The following PTCD2 variants were observed in gnomAD, a reference collection of about 807,000 sequenced individuals.
PTCD2 encodes pentatricopeptide repeat-containing protein 2, mitochondrial.
Under a neutral mutation model 42.6 loss-of-function variants are expected in PTCD2, and 31 were observed. The ratio of observed to expected loss-of-function variants is 0.73; its 90% CI spans 0.55 to 0.98. The LOEUF (loss-of-function observed/expected upper bound fraction) is 0.98. PTCD2 is among the 50% of genes least tolerant of loss of function. PTCD2 has a pLI of 0.00. For synonymous variants in PTCD2, 183 were observed against 170.9 expected, an observed-to-expected ratio of 1.07 and a Z score of -0.55; for missense variants, 476 against 454.8, an observed-to-expected ratio of 1.05 and a Z score of -0.42.
rs570848325 is a variant in PTCD2 at position 72,361,734 on chromosome 5, G to A, written c.*3307G>A. 3 of 152,386 alleles carry A rather than the reference G, an allele frequency of 2.0e-5. No homozygotes were observed. The highest frequency in any genetic ancestry group is 2.0e-4 in the Admixed American group (3 of 15,302). The allele number at this position is 152,386 out of a possible 1,614,324, so 9.4% of individuals were successfully genotyped here. A position where few individuals can be genotyped will look rare whatever the true frequency, so the allele number is the denominator to read the frequency against. On this transcript the variant is annotated 3_prime_UTR_variant, in exon 10 of 10. Coordinates refer to ENST00000380639, the MANE Select transcript of PTCD2 (RefSeq NM_024754.5). The stretch of plus-strand genomic sequence containing the variant: ...CAGGCTCTTCAACATGGTTTAGAAG[G>A]TCCTTCCTAATCTGGCCCACATTTG...
At position 72,338,693 on chromosome 5, in the gene PTCD2, C is replaced by T; in HGVS notation, c.711C>T (p.Ser237=). The T allele has an allele frequency of 1.2e-6, 2 of 1,612,784 alleles. No homozygotes were observed. Among genetic ancestry groups the T allele is most frequent in the South Asian group, 2.2e-5 (2 of 90,986 alleles). Residue 237 remains serine, a synonymous_variant, in exon 7 of 10, where the codon TCC becomes TCT. Coordinates refer to ENST00000380639, the MANE Select transcript of PTCD2 (RefSeq NM_024754.5). The part of the protein sequence containing the change: ...EEALLKGEIL[S]RRASCFAVAL... The stretch of plus-strand genomic sequence containing the variant: ...CTCTACTCAAAGGAGAAATTCTCTC[C>T]AGGAGAGCATCCTGTTTCGCTGTGG...
At chr5:72,328,250 C>T (rs1365215494) in intron 3 of PTCD2, among the ~76,000 whole-genome samples, 3 of 152,348 alleles carry the variant, frequency 2.0e-5, no homozygotes, top group Admixed American at 6.5e-5. Context: ...CACTCATCTG[C>T]AGTCAGCTGG....
chr5:72,352,000 A>G (rs1752646261), intron 8 of PTCD2, among the ~76,000 whole-genome samples: 1 of 152,208 alleles, frequency 6.6e-6, no homozygotes. Flanking sequence ...CCCATTTTAC[A>G]AATGAGGGCA....
chr5:72,326,475 G>A (rs1256496532), intron 2 of PTCD2, 137 bp from the exon 3 acceptor site: 4 of 825,106 alleles, frequency 4.8e-6, no homozygotes, highest in Non-Finnish European at 7.8e-6. Context: ...GCCAGTGATG[G>A]CAGCTGTGTG....
Position 72,365,571 on chromosome 5 carries a change from C to G in PTCD2, c.*7144C>G, listed in dbSNP as rs965137088. Reference sequence around the variant, plus strand: ...TAGTAACAGAATCTGCTGATGTATTCTACCGCATCCCAGGGAGACTCATGT... The same window carrying G: ...TAGTAACAGAATCTGCTGATGTATTGTACCGCATCCCAGGGAGACTCATGT... On this transcript the variant is annotated 3_prime_UTR_variant, in exon 10 of 10. Transcript: ENST00000380639. 8 of 152,212 alleles carry G rather than the reference C, an allele frequency of 5.3e-5. No homozygotes were observed. Among genetic ancestry groups the G allele is most frequent in the Non-Finnish European group, 1.0e-4 (7 of 68,042 alleles). The allele number at this position is 152,212 out of a possible 1,614,324, so 9.4% of individuals were successfully genotyped here. A position where few individuals can be genotyped will look rare whatever the true frequency, so the allele number is the denominator to read the frequency against.
chr5:72,341,437 A>G (rs1212858774), intron 7 of PTCD2, among the ~76,000 whole-genome samples: 1 of 151,836 alleles, frequency 6.6e-6, no homozygotes, highest in Admixed American at 6.6e-5. Context: ...ACTATTCATC[A>G]TTGAAAAGTG....
At chr5:72,343,320 G>A (rs1752170743) in intron 8 of PTCD2, among the ~76,000 whole-genome samples, 1 of 152,146 alleles carries the variant, frequency 6.6e-6, no homozygotes, top group Non-Finnish European at 1.5e-5. Context: ...CATGAGACGT[G>A]GCTAAGAAAG....
intron 7 of PTCD2, among the ~76,000 whole-genome samples, chr5:72,339,102 A>G (rs1035601120): frequency 1.3e-5 from 2 of 152,264 alleles, no homozygotes; most frequent in Admixed American, 6.5e-5. Context: ...AGCCCATTGT[A>G]GAAATGGGAT....
chr5:72,335,758 A>G (rs41271123), intron 5 of PTCD2, 36 bp from the exon 6 acceptor site: 70 of 1,384,622 alleles, frequency 5.1e-5, no homozygotes, highest in Middle Eastern at 1.8e-4. Context: ...CAGTAGAGGA[A>G]CTCTAACACT....
chr5:72,349,333 C>T (rs1046455665), intron 8 of PTCD2, among the ~76,000 whole-genome samples: 1 of 152,128 alleles, frequency 6.6e-6, no homozygotes, highest in Admixed American at 6.5e-5. Context: ...GAACTTAATC[C>T]CATGACCATA....
chr5:72,343,000 C>A lies in PTCD2; in HGVS notation c.792C>A (p.Ile264=), dbSNP rs200096284. The change falls in exon 8 of 10, where the codon ATC becomes ATA. Residue 264 remains isoleucine (I), a synonymous_variant. Coordinates refer to ENST00000380639, the MANE Select transcript of PTCD2 (RefSeq NM_024754.5). ...AAGCTGTGTCCATTTTTTCTCAAAT[C>A]ATGAATCCAGAAAGCATAGCCTGCA... ...MAKAVSIFSQ[I]MNPESIACIN... 23 of 1,602,226 alleles carry A rather than the reference C, an allele frequency of 1.4e-5. No individual in the cohort carries two copies. The East Asian group carries it at 4.7e-4, about 33-fold the overall frequency.
At position 72,364,515 on chromosome 5, in the gene PTCD2, T is replaced by C. The variant is rs1417829786; in HGVS notation, c.*6088T>C. The stretch of plus-strand genomic sequence containing the variant: ...ATCCGGTCTCTCCTGAAGAACAGAG[T>C]ATTCTACATTTGTTTTATATGACCC... On this transcript the variant is annotated 3_prime_UTR_variant, in exon 10 of 10. Coordinates refer to ENST00000380639, the MANE Select transcript of PTCD2 (RefSeq NM_024754.5). The C allele has an allele frequency of 6.6e-6, 1 of 152,202 alleles. No individual in the cohort carries two copies. Among genetic ancestry groups the C allele is most frequent in the Non-Finnish European group, 1.5e-5 (1 of 68,038 alleles). 9.4% of individuals were successfully genotyped at this position (152,202 alleles called of 1,614,324 possible).
chr5:72,342,573 C>T (rs1752127186), intron 7 of PTCD2, among the ~76,000 whole-genome samples: 1 of 152,242 alleles, frequency 6.6e-6, no homozygotes, highest in Non-Finnish European at 1.5e-5. Flanking sequence ...CCCTGCCAGC[C>T]TCCATTTCCA....
At chr5:72,339,087 G>C (rs1379775502) in intron 7 of PTCD2, among the ~76,000 whole-genome samples, 1 of 152,226 alleles carries the variant, frequency 6.6e-6, no homozygotes, top group Non-Finnish European at 1.5e-5. Context: ...GAGGACTGCT[G>C]TGTCAGCCCA....
At position 72,361,226 on chromosome 5, in the gene PTCD2, G is replaced by A. The variant is rs1342147422; in HGVS notation, c.*2799G>A. ...TGTGTGGAAAACACTCCAAAACTCAGTGACTTTAAACAACACCAGTCATTG... is the reference window on the plus strand; with the variant it reads ...TGTGTGGAAAACACTCCAAAACTCAATGACTTTAAACAACACCAGTCATTG... On this transcript the variant is annotated 3_prime_UTR_variant, in exon 10 of 10. Transcript: ENST00000380639. 6.6e-6 allele frequency: 1 copy of A among 152,190 alleles called. No homozygotes were observed. Among genetic ancestry groups the A allele is most frequent in the Admixed American group, 6.5e-5 (1 of 15,290 alleles). The allele number at this position is 152,190 out of a possible 1,614,324, so 9.4% of individuals were successfully genotyped here.
At chr5:72,335,921 G>T in intron 6 of PTCD2, 36 bp downstream of exon 6, 1 of 1,302,616 alleles carries the variant, frequency 7.7e-7, no homozygotes, top group Non-Finnish European at 1.1e-6. Context: ...AGAGCATTGT[G>T]TGTAGTCTTT....
intron 9 of PTCD2, among the ~76,000 whole-genome samples, chr5:72,355,184 G>GT (rs1752814211): frequency 6.6e-6 from 1 of 152,044 alleles, no homozygotes; most frequent in Admixed American, 6.6e-5. Context: ...AGTCCTAAAG[G>GT]TTTTTTTGAT....
chr5:72,345,997 A>G (rs2112202217), intron 8 of PTCD2, among the ~76,000 whole-genome samples: 1 of 152,314 alleles, frequency 6.6e-6, no homozygotes, highest in South Asian at 2.1e-4. Context: ...ACCAGTGCCC[A>G]GGTGACTTTT....
In PTCD2 at chr5:72,354,202, G is replaced by A. The variant is rs141400984; in HGVS notation, c.942+1448G>A. 5.9e-3 allele frequency among the ~76,000 whole-genome samples: 889 copies of A among 151,808 alleles called. 8 individuals carry two copies. The highest frequency in any genetic ancestry group is 0.021 in the African/African-American group (860 of 41,388). On this transcript the variant is annotated intron_variant, in intron 9 of 9. Coordinates refer to ENST00000380639, the MANE Select transcript of PTCD2 (RefSeq NM_024754.5). ...AGGCGGATCATGAGGTCAGGAGATCGAGACCATCCTGGCCAAAATGTAACC... is the reference window on the plus strand; with the variant it reads ...AGGCGGATCATGAGGTCAGGAGATCAAGACCATCCTGGCCAAAATGTAACC...
Sources: allele counts gnomAD v4.1 joint callset (sites outside exome capture counted in the v4.1 genomes callset), GRCh38; gene constraint gnomAD v4.1.1; transcripts MANE v1.5; gene names NCBI Gene and HGNC (gene_info 2026-07-23, HGNC 2026-07-21).